KLF12: variants seen among roughly 807,000 people sequenced by gnomAD.
KLF12 encodes the protein Krueppel-like factor 12.
A neutral mutation model predicts 37.8 loss-of-function variants in KLF12; 9 were observed. The observed-to-expected ratio is 0.24, with a 90% confidence interval of 0.14 to 0.42. The LOEUF is 0.42. Ranked by LOEUF, KLF12 falls within the 10% of genes least tolerant of loss-of-function variation. The pLI is 1.00. For synonymous variants in KLF12, 208 were observed against 202.1 expected (o/e 1.03, Z -0.25); for missense variants, 411 against 516.0 (o/e 0.80, Z 1.97).
At chr13:74,047,092 G>A (rs1425424220) in intron 1 of KLF12, among the ~76,000 whole-genome samples, 3 of 152,002 alleles carry the variant, frequency 2.0e-5, no homozygotes, top group East Asian at 1.9e-4. Flanking sequence ...TTTATCTTCC[G>A]AGAATCCTCT....
At chr13:74,129,115 G>A (rs1231039572) in intron 1 of KLF12, among the ~76,000 whole-genome samples, 1 of 151,974 alleles carries the variant, frequency 6.6e-6, no homozygotes, top group Non-Finnish European at 1.5e-5. Flanking sequence ...CAAAATCCAT[G>A]GATGCTCAAG....
chr13:73,725,365 G>T (rs1365606012), intron 6 of KLF12, among the ~76,000 whole-genome samples: 1 of 152,190 alleles, frequency 6.6e-6, no homozygotes, highest in East Asian at 1.9e-4. Context: ...CTCCCAAAGT[G>T]CTGGGATTAC....
intron 6 of KLF12, among the ~76,000 whole-genome samples, chr13:73,753,893 C>G (rs781367857): frequency 1.3e-4 from 20 of 152,032 alleles, no homozygotes; most frequent in Admixed American, 1.3e-3. Flanking sequence ...ACTCTGATTG[C>G]GATCCTCCCT....
chr13:74,210,177 T>A, the KLF12 span, among the ~76,000 whole-genome samples: 1 of 152,188 alleles, frequency 6.6e-6, no homozygotes, highest in South Asian at 2.1e-4. Flanking sequence ...GAATAGCAGT[T>A]GACTTAGATT....
the KLF12 span, among the ~76,000 whole-genome samples, chr13:74,174,492 G>A: frequency 4.0e-5 from 6 of 150,724 alleles, 1 homozygote. Context: ...GCCCACCTCG[G>A]CCTCCCAAAG....
chr13:73,894,999 G>A (rs1209019476), intron 3 of KLF12, among the ~76,000 whole-genome samples: 1 of 152,112 alleles, frequency 6.6e-6, no homozygotes, highest in Non-Finnish European at 1.5e-5. Context: ...CTTGGCTTAT[G>A]TGGAAAATGT....
the KLF12 span, among the ~76,000 whole-genome samples, chr13:74,213,911 A>G: frequency 0.011 from 1,749 of 152,122 alleles, 40 homozygotes; most frequent in African/African-American, 0.04. Flanking sequence ...CTCTTATCAA[A>G]TGAAGATTTA....
intron 4 of KLF12, among the ~76,000 whole-genome samples, chr13:73,825,203 A>G (rs954297825): frequency 6.6e-6 from 1 of 152,086 alleles, no homozygotes; most frequent in East Asian, 1.9e-4. Flanking sequence ...AAGGCTGGTG[A>G]GGTTTCCACG....
chr13:74,098,730 T>C (rs144800305), intron 1 of KLF12, among the ~76,000 whole-genome samples: 12 of 152,370 alleles, frequency 7.9e-5, no homozygotes, highest in Non-Finnish European at 1.8e-4. Flanking sequence ...CAGACTTTGG[T>C]AAGCTTTGTT....
At chr13:73,810,982 C>CTTTCTTTCTTTTTTTTTTTTTT (rs1555308731) in intron 5 of KLF12, among the ~76,000 whole-genome samples, 1 of 44,808 alleles carries the variant, frequency 2.2e-5, no homozygotes, top group African/African-American at 8.4e-5. Flanking sequence ...ATTTTTCTTT[C>CTTTCTTTCTTTTTTTTTTTTTT]TTTTTTTTTT....
chr13:74,294,516 G>A, the KLF12 span, among the ~76,000 whole-genome samples: 586 of 152,006 alleles, frequency 3.9e-3, 2 homozygotes, highest in African/African-American at 0.013. Context: ...TTACAGGCAC[G>A]CGCCACCATG....
intron 1 of KLF12, among the ~76,000 whole-genome samples, chr13:74,074,819 C>G (rs7987678): frequency 0.026 from 3,942 of 152,098 alleles, 175 homozygotes; most frequent in African/African-American, 0.09. Context: ...CTGGCATGTT[C>G]CTGACTAGAA....
the KLF12 span, among the ~76,000 whole-genome samples, chr13:74,177,199 A>G: frequency 6.6e-6 from 1 of 152,228 alleles, no homozygotes; most frequent in Non-Finnish European, 1.5e-5. Flanking sequence ...TTGACTTTAC[A>G]TCATCAGAGA....
At chr13:74,049,654 C>G (rs1360804871) in intron 1 of KLF12, among the ~76,000 whole-genome samples, 1 of 152,034 alleles carries the variant, frequency 6.6e-6, no homozygotes, top group African/African-American at 2.4e-5. Context: ...GAAAGCAGAA[C>G]AAGACTGAAA....
chr13:73,816,896 T>G (rs895279661), intron 4 of KLF12, among the ~76,000 whole-genome samples: 3 of 152,142 alleles, frequency 2.0e-5, no homozygotes, highest in African/African-American at 7.2e-5. Flanking sequence ...CATTTTAGAC[T>G]CACCAGCTAC....
chr13:73,688,556 C>T lies in KLF12; in HGVS notation c.*6934G>A, dbSNP rs1193225697. 6.6e-6 allele frequency: 1 copy of T among 152,120 alleles called. No homozygotes were observed. Among genetic ancestry groups the T allele is most frequent in the East Asian group, 1.9e-4 (1 of 5,180 alleles). 9.4% of individuals were successfully genotyped at this position (152,120 alleles called of 1,614,324 possible). A position where few individuals can be genotyped will look rare whatever the true frequency, so the allele number is the denominator to read the frequency against. ...GAGGAACTGAGAAAGTGTACTCAGG[C>T]TAAAATGCTACTAAGTATTTGGATG... On this transcript the variant is annotated 3_prime_UTR_variant, in exon 8 of 8. Coordinates refer to ENST00000377669, the MANE Select transcript of KLF12 (RefSeq NM_007249.5).
At chr13:73,729,288 T>G (rs1876887051) in intron 6 of KLF12, among the ~76,000 whole-genome samples, 1 of 152,234 alleles carries the variant, frequency 6.6e-6, no homozygotes, top group Admixed American at 6.5e-5. Flanking sequence ...CTGTCTAAAG[T>G]TCTCAGGATC....
the KLF12 span, among the ~76,000 whole-genome samples, chr13:74,283,458 T>C: frequency 9.2e-5 from 14 of 152,296 alleles, no homozygotes; most frequent in South Asian, 4.1e-4. Context: ...TTCATGTTAA[T>C]AAAACAGAAA....
the KLF12 span, among the ~76,000 whole-genome samples, chr13:74,181,189 G>A: frequency 1.4e-5 from 2 of 145,808 alleles, no homozygotes; most frequent in Admixed American, 6.7e-5. Flanking sequence ...TAGTAGAGAC[G>A]GGGTCTCACC....
Sources: gnomAD v4.1 joint callset for allele counts (sites outside exome capture counted in the v4.1 genomes callset) on GRCh38, gnomAD v4.1.1 for gene constraint, MANE v1.5 for transcripts, NCBI Gene and HGNC (gene_info 2026-07-23, HGNC 2026-07-21) for gene names.